The following ABCC8 variants were observed in gnomAD, a reference collection of about 807,000 sequenced individuals.
The protein encoded by ABCC8 is ATP binding cassette subfamily C member 8.
Under a neutral mutation model 188.0 loss-of-function variants are expected in ABCC8, and 137 were observed. The ratio of observed to expected loss-of-function variants is 0.73; its 90% CI spans 0.63 to 0.84. The LOEUF (loss-of-function observed/expected upper bound fraction) is 0.84, where lower values mean the gene tolerates loss of function less well. Ranked by LOEUF, ABCC8 falls within the 40% of genes least tolerant of loss-of-function variation. The pLI, the probability that ABCC8 is intolerant of heterozygous loss-of-function variation, is 0.00. For synonymous variants in ABCC8, 797 were observed against 846.5 expected, an observed-to-expected ratio of 0.94 and a Z score of 1.01; for missense variants, 1,750 against 2,072.7, an observed-to-expected ratio of 0.84 and a Z score of 3.02.
At chr11:17,431,267 T>G (rs1955835675) in intron 11 of ABCC8, among the ~76,000 whole-genome samples, 1 of 151,402 alleles carries the variant, frequency 6.6e-6, no homozygotes. Context: ...CACGGCCCCC[T>G]CTGCAGACAG....
intron 2 of ABCC8, 102 bp downstream of exon 2, chr11:17,474,784 G>T: frequency 7.6e-7 from 1 of 1,319,100 alleles, no homozygotes; most frequent in Non-Finnish European, 1.1e-6. Flanking sequence ...AGTAACAAAA[G>T]ACATGGGCTT....
Position 17,397,752 on chromosome 11 carries a change from T to C in ABCC8, c.3799A>G (p.Ile1267Val), listed in dbSNP as rs2133411334. ...CVVLIAAVTS[I>V]SNSLHRELSA... ...AGCTCCCTGTGCAGGGAGTTGGAGA[T>C]GGAGGTCACCGCTGCGATGAGCACC... is the stretch of plus-strand genomic sequence containing the variant. Residue 1267 changes from isoleucine to valine, a missense_variant, in exon 31 of 39, where the codon ATC (isoleucine) becomes GTC (valine). By Grantham distance (29) the Ile-to-Val change is conservative. Transcript: ENST00000389817. 4 of 1,613,868 alleles carry C rather than the reference T, an allele frequency of 2.5e-6. No individual in the cohort carries two copies. The highest frequency in any genetic ancestry group is 2.5e-6 in the Non-Finnish European group (3 of 1,179,978).
At position 17,427,832 on chromosome 11, in the gene ABCC8, G is replaced by A. The variant is rs946187954; in HGVS notation, c.2116+35C>T. 16 of 1,612,284 alleles carry A rather than the reference G, an allele frequency of 9.9e-6. No homozygotes were observed. The highest frequency in any genetic ancestry group is 1.3e-5 in the African/African-American group (1 of 74,904). Reference sequence around the variant, plus strand: ...CTCTATGTTATTCAGTGGGACATGGGGAGGGGCATGCTGGAGGGGTGGACT... The same window carrying A: ...CTCTATGTTATTCAGTGGGACATGGAGAGGGGCATGCTGGAGGGGTGGACT... On this transcript the variant is annotated intron_variant, in intron 15 of 38. Coordinates refer to ENST00000389817, the MANE Select transcript of ABCC8 (RefSeq NM_000352.6). This position sits in a 1 kb window ranked among gnomAD's most constrained non-coding sequence, Gnocchi z 5.0.
At chr11:17,418,020 G>T (rs2133492860) in intron 16 of ABCC8, among the ~76,000 whole-genome samples, 1 of 152,282 alleles carries the variant, frequency 6.6e-6, no homozygotes, top group African/African-American at 2.4e-5. Flanking sequence ...GCCTCCTAAA[G>T]TGCTGGGATT....
At chr11:17,470,038 T>G in intron 3 of ABCC8, 63 bp downstream of exon 3, 1 of 1,590,066 alleles carries the variant, frequency 6.3e-7, no homozygotes, top group South Asian at 1.1e-5. Flanking sequence ...TAATGAGTCC[T>G]CAGTAAACAT....
rs983621605 is a variant in ABCC8 at position 17,430,846 on chromosome 11, A to T, written c.1785T>A (p.Ser595Arg). ...ILVTPLFLLSSVVRSTVKALV... is the reference protein window; with the variant it reads ...ILVTPLFLLSRVVRSTVKALV... ...GAGCTTTGACGGTAGATCGGACCAC[A>T]CTGGACAGCAGGAACAGCGGTGTGA... The change falls in exon 12 of 39, where the codon AGT (serine) becomes AGA (arginine). Residue 595 changes from serine (S) to arginine (R), a missense_variant. Coordinates refer to ENST00000389817, the MANE Select transcript of ABCC8 (RefSeq NM_000352.6). 5.0e-6 allele frequency: 8 copies of T among 1,614,162 alleles called. No homozygotes were observed. The South Asian group carries it at 7.7e-5, about 16-fold the overall frequency.
chr11:17,395,810 G>A (rs1393417369), intron 34 of ABCC8, 42 bp downstream of exon 34: 1 of 1,556,846 alleles, frequency 6.4e-7, no homozygotes, highest in Non-Finnish European at 8.7e-7. Flanking sequence ...GGCCTCATCT[G>A]GTGGCTGTGG....
At chr11:17,416,854 A>G (rs1955100017) in intron 17 of ABCC8, 76 bp downstream of exon 17, 2 of 1,542,940 alleles carry the variant, frequency 1.3e-6, no homozygotes, top group Non-Finnish European at 1.8e-6. Flanking sequence ...AGCATTACCC[A>G]CCCACAAGTC....
rs1564959327 is a variant in ABCC8, at chr11:17,450,312, TTCTTTCTTTCTTTC to T, written c.1177-1655_1177-1642del. On this transcript the variant is annotated intron_variant, in intron 7 of 38. Coordinates refer to ENST00000389817, the MANE Select transcript of ABCC8 (RefSeq NM_000352.6). ...TTTCTTTCTTTCTTTCTTTCTTTCTTTCTTTCTTTCTTTCTCTCTCTCTCTTTCCTTTCTTTCTT... is the reference window on the plus strand; with the variant it reads ...TTTCTTTCTTTCTTTCTTTCTTTCTTTCTCTCTCTCTTTCCTTTCTTTCTT... Among the ~76,000 whole-genome samples the T allele has an allele frequency of 4.8e-3, 603 of 126,468 alleles. 3 individuals are homozygous for T. The highest frequency in any genetic ancestry group is 0.016 in the African/African-American group (467 of 29,132). 83.0% of individuals were successfully genotyped at this position (126,468 alleles called of 152,430 possible). A position where few individuals can be genotyped will look rare whatever the true frequency, so the allele number is the denominator to read the frequency against.
At chr11:17,468,246 C>T (rs994750127) in intron 3 of ABCC8, among the ~76,000 whole-genome samples, 1 of 152,224 alleles carries the variant, frequency 6.6e-6, no homozygotes, top group Non-Finnish European at 1.5e-5. Flanking sequence ...AAGAAACACC[C>T]TGTACTCCCT....
rs965775664 is a variant in ABCC8 at position 17,402,765 on chromosome 11, A to T, written c.3558-12T>A. The stretch of plus-strand genomic sequence containing the variant: ...GCTGCTGCAGGTCCCTGTGGCGGGG[A>T]ACAGAGTGGAACAGTTAAGAGGGCA... On this transcript the variant is annotated splice_polypyrimidine_tract_variant and intron_variant, in intron 28 of 38. Transcript: ENST00000389817. 6.2e-7 allele frequency: 1 copy of T among 1,613,872 alleles called. No homozygotes were observed. The highest frequency in any genetic ancestry group is 8.5e-7 in the Non-Finnish European group (1 of 1,179,998).
In ABCC8 at chr11:17,394,595, C is replaced by T. The variant is rs536407993; in HGVS notation, c.4412-196G>A. Reference sequence around the variant, plus strand: ...TGGAGGCCGTCTGCAAGGACTGCAACGAGAAGGGCACCCCTGGAGGTGTGT... The same window carrying T: ...TGGAGGCCGTCTGCAAGGACTGCAATGAGAAGGGCACCCCTGGAGGTGTGT... On this transcript the variant is annotated intron_variant, in intron 36 of 38. Coordinates refer to ENST00000389817, the MANE Select transcript of ABCC8 (RefSeq NM_000352.6). 185 of 598,784 alleles carry T rather than the reference C, an allele frequency of 3.1e-4. 3 individuals carry two copies. The South Asian group carries it at 6.3e-3, about 20-fold the overall frequency. 37.1% of individuals were successfully genotyped at this position (598,784 alleles called of 1,614,324 possible).
chr11:17,412,425 C>T (rs900849014), intron 21 of ABCC8, among the ~76,000 whole-genome samples: 1 of 152,212 alleles, frequency 6.6e-6, no homozygotes, highest in Non-Finnish European at 1.5e-5. Context: ...ATAACTACAG[C>T]TTGCCTCTCC....
chr11:17,411,762 G>C (rs1255420285), intron 21 of ABCC8, among the ~76,000 whole-genome samples: 3 of 152,110 alleles, frequency 2.0e-5, no homozygotes, highest in African/African-American at 7.2e-5. Flanking sequence ...AACTGGGTGA[G>C]CTCTGTCTCC....
At chr11:17,443,016 A>T (rs902285175) in intron 9 of ABCC8, 134 bp from the exon 10 acceptor site, 3 of 1,532,730 alleles carry the variant, frequency 2.0e-6, no homozygotes, top group Non-Finnish European at 2.7e-6. Context: ...TCCCCCATTG[A>T]CTCCATTTCC....
intron 6 of ABCC8, among the ~76,000 whole-genome samples, chr11:17,455,167 T>G (rs1168885701): frequency 1.3e-5 from 2 of 152,220 alleles, no homozygotes; most frequent in Non-Finnish European, 2.9e-5. Flanking sequence ...AAAACCCATA[T>G]AAATTTCCAA....
Position 17,396,914 on chromosome 11 carries a change from A to C in ABCC8, c.4119+2T>G. 1 of 1,613,892 alleles carries C rather than the reference A, an allele frequency of 6.2e-7. No individual in the cohort carries two copies. The highest frequency in any genetic ancestry group is 8.5e-7 in the Non-Finnish European group (1 of 1,180,002). The stretch of plus-strand genomic sequence containing the variant: ...AGCATTGGGTTGGGCCCGTGCTCTG[A>C]CCTTCTGTCCAGGGGCGATGAGGGC... On this transcript the variant is annotated splice_donor_variant, in intron 33 of 38. Transcript: ENST00000389817. LOFTEE classifies it high-confidence loss of function.
At position 17,395,919 on chromosome 11, in the gene ABCC8, GC is replaced by G; in HGVS notation, c.4130del (p.Cys1377SerfsTer83). On this transcript the variant is annotated frameshift_variant, in exon 34 of 39. Coordinates refer to ENST00000389817, the MANE Select transcript of ABCC8 (RefSeq NM_000352.6). LOFTEE classifies it high-confidence loss of function. ...AGGACTTCCCACTGCCGGTGCGGCC[GC>G]AGATCCCGATCTGGAAAGAGAGAAG... The part of the protein sequence containing the change: ...LIAPGQKIGI[C>X]GRTGSGKSSF... The G allele has an allele frequency of 6.3e-7, 1 of 1,582,796 alleles. No homozygotes were observed. Among genetic ancestry groups the G allele is most frequent in the Non-Finnish European group, 8.6e-7 (1 of 1,162,842 alleles).
intron 12 of ABCC8, chr11:17,430,451 G>A (rs1289183717): frequency 1.6e-5 from 6 of 364,984 alleles, no homozygotes; most frequent in African/African-American, 1.3e-4. Context: ...GGGCAGCCAC[G>A]TGGGGACGGG....
Sources: allele counts gnomAD v4.1 joint callset (sites outside exome capture counted in the v4.1 genomes callset), GRCh38; gene constraint gnomAD v4.1.1; non-coding constraint Gnocchi (gnomAD v3.1); transcripts MANE v1.5; gene names NCBI Gene and HGNC (gene_info 2026-07-23, HGNC 2026-07-21).